The following OR56A3 variants were observed in gnomAD, a reference collection of about 807,000 sequenced individuals.
OR56A3 encodes olfactory receptor family 56 subfamily A member 3.
A neutral mutation model predicts 17.5 loss-of-function variants in OR56A3; 23 were observed. The ratio of observed to expected loss-of-function variants is 1.32; its 90% CI spans 0.95 to 1.87. The LOEUF is 1.87. Ranked by LOEUF, OR56A3 falls within the 40% of genes most tolerant of loss-of-function variation. OR56A3 has a pLI of 0.00. For synonymous variants in OR56A3, 175 were observed against 150.6 expected (o/e 1.16, Z -1.19); for missense variants, 366 against 380.1 (o/e 0.96, Z 0.31).
rs1847905256 is a variant in OR56A3, at chr11:5,951,123, T to C, written c.*2829T>C. 6.6e-6 allele frequency: 1 copy of C among 152,136 alleles called. No homozygotes were observed. Among genetic ancestry groups the C allele is most frequent in the Non-Finnish European group, 1.5e-5 (1 of 67,992 alleles). The allele number at this position is 152,136 out of a possible 1,614,324, so 9.4% of individuals were successfully genotyped here. ...GAAGATTTATTTTTAAAAGAAGTTT[T>C]AGTTACTGGGTTTTTAAGACATATG... On this transcript the variant is annotated 3_prime_UTR_variant, in exon 3 of 3. Transcript: ENST00000641160.
the OR56A3 span, among the ~76,000 whole-genome samples, chr11:5,984,661 C>T: frequency 6.6e-6 from 1 of 152,184 alleles, no homozygotes; most frequent in Non-Finnish European, 1.5e-5. Context: ...ATAAAAACAG[C>T]TCATACCAGT....
chr11:5,948,032 T>G lies in OR56A3; in HGVS notation c.686T>G (p.Val229Gly). 6.2e-7 allele frequency: 1 copy of G among 1,614,244 alleles called. No homozygotes were observed. The highest frequency in any genetic ancestry group is 8.5e-7 in the Non-Finnish European group (1 of 1,180,040). Residue 229 changes from valine to glycine, a missense_variant, in exon 3 of 3, where the codon GTG (valine) becomes GGG (glycine). Physicochemically the swap from Val to Gly is moderately radical, Grantham distance 109. Transcript: ENST00000641160. ...FLSYTFILRA[V>G]LRLKAEGAVA... Reference sequence around the variant, plus strand: ...TCCTACACCTTCATTCTGCGAGCTGTGCTGAGACTCAAGGCAGAGGGTGCC... The same window carrying G: ...TCCTACACCTTCATTCTGCGAGCTGGGCTGAGACTCAAGGCAGAGGGTGCC...
At chr11:6,018,755 A>G in the OR56A3 span, among the ~76,000 whole-genome samples, 1 of 74,670 alleles carries the variant, frequency 1.3e-5, no homozygotes, top group East Asian at 1.7e-3. Flanking sequence ...GATTTTTGGA[A>G]AAGATAAACA....
rs913078958 is a variant in OR56A3, at chr11:5,951,314, T to C, written c.*3020T>C. The stretch of plus-strand genomic sequence containing the variant: ...ATCAGAAGGTAAATGATAAACATTA[T>C]TTGTAATTCATTAAATTTTTCTTTA... On this transcript the variant is annotated 3_prime_UTR_variant, in exon 3 of 3. Coordinates refer to ENST00000641160, the MANE Select transcript of OR56A3 (RefSeq NM_001003443.3). 1 of 152,172 alleles carries C rather than the reference T, an allele frequency of 6.6e-6. No individual in the cohort carries two copies. Among genetic ancestry groups the C allele is most frequent in the Admixed American group, 6.5e-5 (1 of 15,268 alleles). The allele number at this position is 152,172 out of a possible 1,614,324, so 9.4% of individuals were successfully genotyped here.
chr11:5,981,443 G>A, the OR56A3 span, among the ~76,000 whole-genome samples: 1 of 152,032 alleles, frequency 6.6e-6, no homozygotes, highest in South Asian at 2.1e-4. Flanking sequence ...TCCTTAGTTT[G>A]TCTATTCTGC....
At chr11:5,992,816 C>T in the OR56A3 span, among the ~76,000 whole-genome samples, 1 of 152,170 alleles carries the variant, frequency 6.6e-6, no homozygotes, top group African/African-American at 2.4e-5. Flanking sequence ...AGAGCTTCTC[C>T]ACTAGGTGGA....
At chr11:5,968,187 T>C in the OR56A3 span, 1 of 1,614,176 alleles carries the variant, frequency 6.2e-7, no homozygotes, top group Admixed American at 1.7e-5. Flanking sequence ...GATGAACACC[T>C]GAAGGAAGCA....
the OR56A3 span, among the ~76,000 whole-genome samples, chr11:5,989,476 C>T: frequency 6.6e-6 from 1 of 152,146 alleles, no homozygotes; most frequent in Non-Finnish European, 1.5e-5. Context: ...ATTAAGTAAA[C>T]AAATAAGCGG....
chr11:5,976,228 G>T, the OR56A3 span, among the ~76,000 whole-genome samples: 1 of 149,968 alleles, frequency 6.7e-6, no homozygotes, highest in South Asian at 2.1e-4. Flanking sequence ...GAAGGAAAAA[G>T]GATTAGAAGA....
the OR56A3 span, among the ~76,000 whole-genome samples, chr11:5,984,697 G>A: frequency 1.4e-3 from 209 of 152,186 alleles, no homozygotes; most frequent in African/African-American, 4.6e-3. Flanking sequence ...TACTTGCAAC[G>A]GCCAAGTTAA....
chr11:5,975,048 T>C, the OR56A3 span, among the ~76,000 whole-genome samples: 1 of 152,236 alleles, frequency 6.6e-6, no homozygotes, highest in South Asian at 2.1e-4. Context: ...TTCTACCTCT[T>C]ATGCCTGTTT....
intron 2 of OR56A3, among the ~76,000 whole-genome samples, chr11:5,946,815 G>A (rs910108715): frequency 6.6e-6 from 1 of 152,202 alleles, no homozygotes; most frequent in Admixed American, 6.5e-5. Flanking sequence ...CAAAATAAGT[G>A]CAGCAGAAAG....
the OR56A3 span, among the ~76,000 whole-genome samples, chr11:5,976,552 A>C: frequency 6.6e-6 from 1 of 151,858 alleles, no homozygotes; most frequent in Non-Finnish European, 1.5e-5. Context: ...TAGTAGTAAC[A>C]CTTGTTCAGT....
chr11:5,946,370 G>C (rs57231960), intron 2 of OR56A3, among the ~76,000 whole-genome samples: 1 of 152,190 alleles, frequency 6.6e-6, no homozygotes. Context: ...ATTTTGTGAT[G>C]CTGGTACCTA....
the OR56A3 span, among the ~76,000 whole-genome samples, chr11:6,003,661 C>T: frequency 6.6e-6 from 1 of 152,160 alleles, no homozygotes; most frequent in African/African-American, 2.4e-5. Context: ...ATGGAGAGAA[C>T]ATGCAAACAC....
At chr11:5,973,300 A>G in the OR56A3 span, among the ~76,000 whole-genome samples, 2 of 152,196 alleles carry the variant, frequency 1.3e-5, no homozygotes, top group African/African-American at 2.4e-5. Flanking sequence ...CCCATTGTTC[A>G]TAAAATAAAA....
chr11:5,948,506 C>A lies in OR56A3; in HGVS notation c.*212C>A. 3.8e-6 allele frequency: 2 copies of A among 523,304 alleles called. No homozygotes were observed. Among genetic ancestry groups the A allele is most frequent in the South Asian group, 6.4e-5 (2 of 31,060 alleles). 32.4% of individuals were successfully genotyped at this position (523,304 alleles called of 1,614,324 possible). A position where few individuals can be genotyped will look rare whatever the true frequency, so the allele number is the denominator to read the frequency against. ...ATTCTTGGCCCTCTCTCGTTTTATT[C>A]CATGCTTATAATCATATTTTGTCCA... On this transcript the variant is annotated 3_prime_UTR_variant, in exon 3 of 3. Transcript: ENST00000641160.
the OR56A3 span, among the ~76,000 whole-genome samples, chr11:6,016,534 A>G: frequency 2.0e-5 from 3 of 152,082 alleles, no homozygotes; most frequent in South Asian, 2.1e-4. Context: ...GTGAATCTTA[A>G]AAAAAATGAA....
the OR56A3 span, among the ~76,000 whole-genome samples, chr11:5,972,785 C>T: frequency 2.6e-5 from 4 of 152,268 alleles, no homozygotes; most frequent in South Asian, 2.1e-4. Context: ...CCTGCCACCA[C>T]GCCCAGCTAA....
Sources: gnomAD v4.1 joint callset for allele counts (sites outside exome capture counted in the v4.1 genomes callset) on GRCh38, gnomAD v4.1.1 for gene constraint, MANE v1.5 for transcripts, NCBI Gene and HGNC (gene_info 2026-07-23, HGNC 2026-07-21) for gene names.